Variants in CHSY3 observed in about 807,000 individuals in gnomAD.
CHSY3 encodes the protein N-acetylgalactosaminyl-proteoglycan 3-beta-glucuronosyltransferase 3.
A neutral mutation model predicts 67.2 loss-of-function variants in CHSY3; 35 were observed. The ratio of observed to expected loss-of-function variants is 0.52; its 90% CI spans 0.40 to 0.69. CHSY3 has a LOEUF of 0.69. Ranked by LOEUF, CHSY3 falls within the 30% of genes least tolerant of loss-of-function variation. The pLI, the probability that CHSY3 is intolerant of heterozygous loss-of-function variation, is 0.00. For synonymous variants in CHSY3, 474 were observed against 434.7 expected (o/e 1.09, Z -1.12); for missense variants, 1,069 against 1,138.5 (o/e 0.94, Z 0.88).
intron 2 of CHSY3, among the ~76,000 whole-genome samples, chr5:130,094,209 G>A (rs549163994): frequency 1.3e-5 from 2 of 152,154 alleles, no homozygotes; most frequent in South Asian, 2.1e-4. Context: ...CCTTTTCAGT[G>A]AATAGATGGT....
At chr5:129,982,244 C>A (rs1280696209) in intron 2 of CHSY3, among the ~76,000 whole-genome samples, 3 of 151,856 alleles carry the variant, frequency 2.0e-5, no homozygotes, top group African/African-American at 7.3e-5. Context: ...GTCCTCACAT[C>A]TTTCTATATA....
chr5:130,131,959 A>T (rs779619489), intron 2 of CHSY3, among the ~76,000 whole-genome samples: 16 of 151,172 alleles, frequency 1.1e-4, no homozygotes, highest in Non-Finnish European at 2.2e-4. Flanking sequence ...TCTTACCTAA[A>T]CTGTGATTCC....
chr5:129,968,197 C>T (rs1255436841), intron 2 of CHSY3, among the ~76,000 whole-genome samples: 1 of 151,754 alleles, frequency 6.6e-6, no homozygotes, highest in Non-Finnish European at 1.5e-5. Context: ...AGTGATATCT[C>T]ATAATATACA....
chr5:130,155,079 A>G (rs1191249817), intron 2 of CHSY3, among the ~76,000 whole-genome samples: 1 of 152,124 alleles, frequency 6.6e-6, no homozygotes, highest in African/African-American at 2.4e-5. Flanking sequence ...GTAGACCGCT[A>G]CTCCCTGGGA....
At chr5:129,995,866 C>T (rs940687002) in intron 2 of CHSY3, among the ~76,000 whole-genome samples, 3 of 152,070 alleles carry the variant, frequency 2.0e-5, no homozygotes, top group Admixed American at 6.6e-5. Flanking sequence ...CTTTCCCTCT[C>T]CCAACTCCCA....
chr5:130,020,107 C>T (rs985602834), intron 2 of CHSY3, among the ~76,000 whole-genome samples: 1 of 152,018 alleles, frequency 6.6e-6, no homozygotes, highest in Non-Finnish European at 1.5e-5. Context: ...TTCAACCCTC[C>T]TATTTCTCAG....
chr5:129,976,858 A>C (rs1054016844), intron 2 of CHSY3, among the ~76,000 whole-genome samples: 3 of 151,410 alleles, frequency 2.0e-5, no homozygotes, highest in Non-Finnish European at 2.9e-5. Flanking sequence ...AATATGTCTA[A>C]TACTTTGCTT....
chr5:130,088,497 A>G (rs1484684633), intron 2 of CHSY3, among the ~76,000 whole-genome samples: 4 of 152,296 alleles, frequency 2.6e-5, no homozygotes, highest in Admixed American at 2.0e-4. Flanking sequence ...GCTAATATCC[A>G]GAATCTACAA....
At chr5:130,166,587 A>G (rs958628232) in intron 2 of CHSY3, among the ~76,000 whole-genome samples, 7 of 152,176 alleles carry the variant, frequency 4.6e-5, no homozygotes, top group Admixed American at 1.3e-4. Context: ...TATCTTATAA[A>G]TACCTACTTG....
At chr5:129,951,884 T>G (rs574904465) in intron 2 of CHSY3, among the ~76,000 whole-genome samples, 19 of 152,364 alleles carry the variant, frequency 1.2e-4, no homozygotes, top group African/African-American at 4.3e-4. Context: ...CATTTGTTCT[T>G]AACTGTTTTT....
At chr5:130,013,976 A>G (rs565235417) in intron 2 of CHSY3, among the ~76,000 whole-genome samples, 34 of 152,258 alleles carry the variant, frequency 2.2e-4, no homozygotes, top group Non-Finnish European at 4.3e-4. Context: ...CAGATACCCT[A>G]AATCATCTCT....
At chr5:130,015,396 A>G (rs1189195762) in intron 2 of CHSY3, among the ~76,000 whole-genome samples, 1 of 151,986 alleles carries the variant, frequency 6.6e-6, no homozygotes, top group East Asian at 1.9e-4. Context: ...TTAACAAGCT[A>G]AAAAAAACCT....
At chr5:130,154,666 A>G (rs1198861354) in intron 2 of CHSY3, among the ~76,000 whole-genome samples, 1 of 152,224 alleles carries the variant, frequency 6.6e-6, no homozygotes, top group East Asian at 1.9e-4. Context: ...GTTCATTAAT[A>G]GTAATATGTT....
intron 2 of CHSY3, among the ~76,000 whole-genome samples, chr5:130,126,235 G>T (rs1265644792): frequency 1.3e-5 from 2 of 151,864 alleles, no homozygotes; most frequent in Non-Finnish European, 2.9e-5. Flanking sequence ...CCTCTGATGG[G>T]CTTATTAACC....
intron 2 of CHSY3, among the ~76,000 whole-genome samples, chr5:130,183,009 G>A (rs114069478): frequency 1.3e-3 from 190 of 151,232 alleles, no homozygotes; most frequent in African/African-American, 4.5e-3. Context: ...TGCTTCTGAT[G>A]AGTATTCTTA....
chr5:130,153,678 T>C (rs967646200), intron 2 of CHSY3, among the ~76,000 whole-genome samples: 2 of 152,188 alleles, frequency 1.3e-5, no homozygotes, highest in African/African-American at 4.8e-5. Flanking sequence ...GTCTTGATCA[T>C]CGTGGAGCCC....
At chr5:129,907,945 G>C in intron 1 of CHSY3, 132 bp from the exon 2 acceptor site, 1 of 1,426,596 alleles carries the variant, frequency 7.0e-7, no homozygotes, top group Non-Finnish European at 9.2e-7. Context: ...ATTGGAAGAG[G>C]CTTTTTCTTC....
intron 2 of CHSY3, among the ~76,000 whole-genome samples, chr5:129,995,740 A>G (rs2149634183): frequency 6.6e-6 from 1 of 152,022 alleles, no homozygotes; most frequent in African/African-American, 2.4e-5. Context: ...GTTTTTTAAG[A>G]ATGATCTGGT....
intron 2 of CHSY3, among the ~76,000 whole-genome samples, chr5:129,939,126 A>G (rs968882199): frequency 1.1e-4 from 16 of 152,184 alleles, no homozygotes; most frequent in African/African-American, 3.9e-4. Context: ...AAGTAGGCAT[A>G]CCTTCTCATG....
Sources: gnomAD v4.1 joint callset for allele counts (sites outside exome capture counted in the v4.1 genomes callset) on GRCh38, gnomAD v4.1.1 for gene constraint, MANE v1.5 for transcripts, NCBI Gene and HGNC (gene_info 2026-07-23, HGNC 2026-07-21) for gene names.